SEMA5B: variants seen among roughly 807,000 people sequenced by gnomAD.
The protein encoded by SEMA5B is semaphorin 5B, also known as semaphorin-5B.
Under a neutral mutation model 135.0 loss-of-function variants are expected in SEMA5B, and 66 were observed. The observed-to-expected ratio is 0.49, with a 90% CI of 0.40 to 0.60. The LOEUF (loss-of-function observed/expected upper bound fraction) is 0.60. Among genes scored for constraint, SEMA5B ranks in the 20% least tolerant of loss-of-function variants. The probability of loss-of-function intolerance (pLI) is 0.00; values close to 1 mark genes in which losing one functional copy is unlikely to be tolerated. For missense variants in SEMA5B, 1,501 were observed against 1,566.3 expected (o/e 0.96, Z 0.70); for synonymous variants, 690 against 639.5 (o/e 1.08, Z -1.19).
intron 1 of SEMA5B, among the ~76,000 whole-genome samples, chr3:123,016,367 T>C (rs1942557051): frequency 6.6e-6 from 1 of 152,190 alleles, no homozygotes; most frequent in Non-Finnish European, 1.5e-5. Flanking sequence ...AATGCACAAA[T>C]GTTCAAGTTC....
chr3:123,002,524 A>C (rs1473439828), intron 1 of SEMA5B, among the ~76,000 whole-genome samples: 3 of 152,220 alleles, frequency 2.0e-5, no homozygotes, highest in African/African-American at 7.2e-5. Flanking sequence ...AATTTGAAGA[A>C]TAAGCACCAA....
chr3:123,008,199 A>G (rs1160084395), intron 1 of SEMA5B, among the ~76,000 whole-genome samples: 1 of 152,236 alleles, frequency 6.6e-6, no homozygotes, highest in African/African-American at 2.4e-5. Flanking sequence ...TTGCATCTCA[A>G]CTTGGTAAAA....
chr3:122,911,107 G>A, intron 21 of SEMA5B, 62 bp from the exon 22 acceptor site: 1 of 1,391,902 alleles, frequency 7.2e-7, no homozygotes, highest in Non-Finnish European at 9.9e-7. Flanking sequence ...ACTCCTGCCT[G>A]CCTCCCTGGG....
At chr3:122,948,837 G>C in intron 2 of SEMA5B, 128 bp from the exon 3 acceptor site, 1 of 748,936 alleles carries the variant, frequency 1.3e-6, no homozygotes, top group Non-Finnish European at 2.1e-6. Flanking sequence ...ATGTTACTCA[G>C]AGTTTGCTCT....
At chr3:123,002,690 T>C (rs576811139) in intron 1 of SEMA5B, among the ~76,000 whole-genome samples, 28 of 152,334 alleles carry the variant, frequency 1.8e-4, no homozygotes, top group African/African-American at 6.3e-4. Flanking sequence ...TTATAAGTCA[T>C]TCACGTCTCA....
chr3:122,992,131 C>T (rs1941898649), intron 1 of SEMA5B, among the ~76,000 whole-genome samples: 1 of 152,132 alleles, frequency 6.6e-6, no homozygotes. Flanking sequence ...GGTTCTCCAC[C>T]CTCATTGTGT....
intron 1 of SEMA5B, among the ~76,000 whole-genome samples, chr3:122,961,594 T>A (rs1226282051): frequency 6.6e-6 from 1 of 152,102 alleles, no homozygotes; most frequent in Non-Finnish European, 1.5e-5. Flanking sequence ...CAAGTAGTTG[T>A]GACAACAGGT....
In SEMA5B at chr3:122,910,061, A is replaced by C; in HGVS notation, c.*82T>G. The C allele has an allele frequency of 4.7e-6, 7 of 1,489,364 alleles. No individual in the cohort carries two copies. Among genetic ancestry groups the C allele is most frequent in the Non-Finnish European group, 5.4e-6 (6 of 1,102,234 alleles). The allele number at this position is 1,489,364 out of a possible 1,614,324, so 92.3% of individuals were successfully genotyped here. ...TTCTTGGCCTAGTGCAGAGGGAGAAAACCAAACTGGCTCCACTGTCCCATC... is the reference window on the plus strand; with the variant it reads ...TTCTTGGCCTAGTGCAGAGGGAGAACACCAAACTGGCTCCACTGTCCCATC... On this transcript the variant is annotated 3_prime_UTR_variant, in exon 23 of 23. Coordinates refer to ENST00000357599, the MANE Select transcript of SEMA5B (RefSeq NM_001031702.4).
At chr3:122,966,340 G>C (rs1940816935) in intron 1 of SEMA5B, among the ~76,000 whole-genome samples, 1 of 152,124 alleles carries the variant, frequency 6.6e-6, no homozygotes, top group Non-Finnish European at 1.5e-5. Context: ...AAAGAGGTTT[G>C]TGACTTAAAG....
chr3:122,962,707 T>C (rs1940639666), intron 1 of SEMA5B, among the ~76,000 whole-genome samples: 2 of 152,222 alleles, frequency 1.3e-5, no homozygotes, highest in Non-Finnish European at 2.9e-5. Flanking sequence ...TGTAAATCTA[T>C]GGAAATGAAG....
At position 122,913,384 on chromosome 3, in the gene SEMA5B, C is replaced by T. The variant is rs1239279646; in HGVS notation, c.2321G>A (p.Arg774Gln). 14 of 1,579,576 alleles carry T rather than the reference C, an allele frequency of 8.9e-6. No homozygotes were observed. Among genetic ancestry groups the T allele is most frequent in the Non-Finnish European group, 1.1e-5 (13 of 1,167,930 alleles). ...CCACGGCGTCCAGGGGGTGTTGCGC[C>T]GCACTTCGGGGCAGCCCTCGGGGTT... The part of the protein sequence containing the change: ...TCNPEGCPEV[R>Q]RNTPWTPWLP... The change falls in exon 17 of 23, where the codon CGG (arginine) becomes CAG (glutamine). Residue 774 changes from arginine to glutamine, a missense_variant. This residue lies in a region of SEMA5B where 927 missense variants were observed against 881.6 expected (regional missense o/e 1.05). Coordinates refer to ENST00000357599, the MANE Select transcript of SEMA5B (RefSeq NM_001031702.4).
At chr3:123,010,808 CAA>C (rs138507516) in intron 1 of SEMA5B, among the ~76,000 whole-genome samples, 11,577 of 62,938 alleles carry the variant, frequency 0.18, 691 homozygotes, top group African/African-American at 0.3. Context: ...GTCTCCATCT[CAA>C]AAAAAAAAAA....
At chr3:123,021,097 G>T (rs891423773) in intron 1 of SEMA5B, among the ~76,000 whole-genome samples, 3 of 152,186 alleles carry the variant, frequency 2.0e-5, no homozygotes, top group African/African-American at 7.2e-5. Context: ...ACTCCTGATG[G>T]GACCTAGGGT....
chr3:122,990,547 GC>G (rs35197183), intron 1 of SEMA5B, among the ~76,000 whole-genome samples: 21,411 of 151,910 alleles, frequency 0.14, 2,268 homozygotes, highest in African/African-American at 0.3. Context: ...TTCTCTACCT[GC>G]CCCCCCAAAC....
At chr3:122,959,958 G>A (rs1940502026) in intron 2 of SEMA5B, among the ~76,000 whole-genome samples, 1 of 152,204 alleles carries the variant, frequency 6.6e-6, no homozygotes, top group Non-Finnish European at 1.5e-5. Context: ...TAAATGCTAA[G>A]GATGTCGCCA....
chr3:122,966,557 A>ATTTTTTTTTT (rs1414027791), intron 1 of SEMA5B, among the ~76,000 whole-genome samples: 1 of 139,468 alleles, frequency 7.2e-6, no homozygotes, highest in African/African-American at 3.2e-5. Context: ...TATTATTATT[A>ATTTTTTTTTT]TTATTATTAT....
chr3:122,974,247 G>A (rs1361811059), intron 1 of SEMA5B, among the ~76,000 whole-genome samples: 1 of 152,188 alleles, frequency 6.6e-6, no homozygotes, highest in Non-Finnish European at 1.5e-5. Context: ...AGCATTTCTG[G>A]GAACTGCTCC....
intron 1 of SEMA5B, among the ~76,000 whole-genome samples, chr3:122,965,200 C>A (rs1220352691): frequency 6.6e-6 from 1 of 152,202 alleles, no homozygotes; most frequent in East Asian, 1.9e-4. Flanking sequence ...TCGGATTATA[C>A]AAGGAAGTCC....
At chr3:122,972,756 A>T (rs1352146867) in intron 1 of SEMA5B, among the ~76,000 whole-genome samples, 10 of 152,178 alleles carry the variant, frequency 6.6e-5, no homozygotes, top group Non-Finnish European at 8.8e-5. Context: ...ACTCTTCACA[A>T]CCACGATGCC....
Sources: gnomAD v4.1 joint callset for allele counts (sites outside exome capture counted in the v4.1 genomes callset) on GRCh38, gnomAD v4.1.1 for gene constraint, gnomAD v4.1.1 regional missense constraint, MANE v1.5 for transcripts, NCBI Gene and HGNC (gene_info 2026-07-23, HGNC 2026-07-21) for gene names.